DPYD: variants seen among roughly 807,000 people sequenced by gnomAD.
DPYD encodes the protein dihydropyrimidine dehydrogenase [NADP(+)].
In DPYD, 109 loss-of-function variants were observed where a neutral mutation model predicts 116.2. The ratio of observed to expected loss-of-function variants is 0.94; its 90% confidence interval spans 0.80 to 1.10. The LOEUF (loss-of-function observed/expected upper bound fraction) is 1.10, where lower values mean the gene tolerates loss of function less well. Ranked by LOEUF, DPYD falls within the 50% of genes least tolerant of loss-of-function variation. DPYD has a pLI of 0.00. For synonymous variants in DPYD, 440 were observed against 432.0 expected, an observed-to-expected ratio of 1.02 and a Z score of -0.23; for missense variants, 1,302 against 1,254.5, an observed-to-expected ratio of 1.04 and a Z score of -0.57.
In DPYD at chr1:97,362,188, C is replaced by T. The variant is rs1425925056; in HGVS notation, c.2058+11373G>A. On this transcript the variant is annotated intron_variant, in intron 16 of 22. Coordinates refer to ENST00000370192, the MANE Select transcript of DPYD (RefSeq NM_000110.4). ...GACAAACAGAGAGCCAAATCATGAGCGAACTCCCATTCACGATTGCTACAG... is the reference window on the plus strand; with the variant it reads ...GACAAACAGAGAGCCAAATCATGAGTGAACTCCCATTCACGATTGCTACAG... 3.3e-5 allele frequency among the ~76,000 whole-genome samples: 5 copies of T among 152,056 alleles called. No homozygotes were observed. The South Asian group carries it at 6.2e-4, about 19-fold the overall frequency.
At chr1:97,522,936 C>T (rs1276811640) in intron 12 of DPYD, among the ~76,000 whole-genome samples, 1 of 151,924 alleles carries the variant, frequency 6.6e-6, no homozygotes, top group Admixed American at 6.6e-5. Context: ...TTCTAGTTAT[C>T]CTTTGTCAGA....
intron 16 of DPYD, among the ~76,000 whole-genome samples, chr1:97,339,258 T>C (rs1340140149): frequency 2.0e-5 from 3 of 152,012 alleles, no homozygotes; most frequent in Middle Eastern, 3.2e-3. Context: ...GTCATAATCA[T>C]GGAAATAACA....
intron 13 of DPYD, among the ~76,000 whole-genome samples, chr1:97,478,370 C>T (rs1678105355): frequency 6.6e-6 from 1 of 152,104 alleles, no homozygotes; most frequent in Admixed American, 6.5e-5. Context: ...TCACTGCAAC[C>T]TCCACCTCCT....
At chr1:97,243,491 G>A (rs1161153821) in intron 18 of DPYD, among the ~76,000 whole-genome samples, 1 of 151,790 alleles carries the variant, frequency 6.6e-6, no homozygotes, top group African/African-American at 2.4e-5. Flanking sequence ...TAGAAAGTAT[G>A]GGTCCAGTAT....
chr1:97,389,350 A>C lies in DPYD; in HGVS notation c.1906-6889T>G, dbSNP rs148633056. ...CGAAGAAAGAAAAGAAAGGGAAAGC[A>C]AATTTACTAGAACATGGTATGATTA... On this transcript the variant is annotated intron_variant, in intron 14 of 22. Coordinates refer to ENST00000370192, the MANE Select transcript of DPYD (RefSeq NM_000110.4). Among the ~76,000 whole-genome samples the C allele has an allele frequency of 3.7e-3, 567 of 152,010 alleles. 6 individuals carry two copies. Among genetic ancestry groups the C allele is most frequent in the African/African-American group, 0.013 (535 of 41,484 alleles).
At chr1:97,173,234 G>GTA (rs1396632082) in intron 20 of DPYD, among the ~76,000 whole-genome samples, 11 of 106,352 alleles carry the variant, frequency 1.0e-4, no homozygotes, top group Admixed American at 2.1e-4. Context: ...ACATATATGC[G>GTA]CACACATATA....
At position 97,146,222 on chromosome 1, in the gene DPYD, A is replaced by C. The variant is rs1654618817; in HGVS notation, c.2622+46847T>G. On this transcript the variant is annotated intron_variant, in intron 20 of 22. Coordinates refer to ENST00000370192, the MANE Select transcript of DPYD (RefSeq NM_000110.4). ...TTCTATAATATTAATAGTTTGTATA[A>C]GAAAACTAATACAATGTTGACAAGT... 3.9e-5 allele frequency among the ~76,000 whole-genome samples: 6 copies of C among 152,216 alleles called. No homozygotes were observed. The South Asian group carries it at 1.2e-3, about 32-fold the overall frequency.
chr1:97,369,509 A>C (rs951234329), intron 16 of DPYD, among the ~76,000 whole-genome samples: 1 of 152,206 alleles, frequency 6.6e-6, no homozygotes, highest in Non-Finnish European at 1.5e-5. Flanking sequence ...ATCAAATCAA[A>C]GTGCAGGTCT....
intron 11 of DPYD, among the ~76,000 whole-genome samples, chr1:97,561,110 G>A (rs1390943031): frequency 6.6e-6 from 1 of 152,218 alleles, no homozygotes; most frequent in African/African-American, 2.4e-5. Flanking sequence ...GACAGCATTT[G>A]TAGATTTAGA....
At chr1:97,766,278 T>C (rs183513782) in intron 3 of DPYD, among the ~76,000 whole-genome samples, 2 of 152,036 alleles carry the variant, frequency 1.3e-5, no homozygotes, top group Admixed American at 6.6e-5. Context: ...CTGTGGTAAA[T>C]TTAAAGTAAG....
At chr1:97,385,511 G>T in intron 14 of DPYD, among the ~76,000 whole-genome samples, 1 of 140,354 alleles carries the variant, frequency 7.1e-6, no homozygotes, top group South Asian at 2.5e-4. Flanking sequence ...TAGATTTTTA[G>T]AAAATTTTTT....
chr1:97,294,271 A>C (rs1666386304), intron 18 of DPYD, among the ~76,000 whole-genome samples: 1 of 152,204 alleles, frequency 6.6e-6, no homozygotes, highest in East Asian at 1.9e-4. Flanking sequence ...ATGTGCTAAG[A>C]CAGTTTAACC....
At chr1:97,391,986 C>A (rs1672733320) in intron 14 of DPYD, among the ~76,000 whole-genome samples, 1 of 151,942 alleles carries the variant, frequency 6.6e-6, no homozygotes, top group Non-Finnish European at 1.5e-5. Flanking sequence ...AAAAATAATA[C>A]TAACTAAGAT....
chr1:97,094,579 A>C (rs1650108672), intron 21 of DPYD, among the ~76,000 whole-genome samples: 1 of 152,130 alleles, frequency 6.6e-6, no homozygotes, highest in Non-Finnish European at 1.5e-5. Flanking sequence ...ATTGAGACAG[A>C]GGACTCAGGA....
intron 20 of DPYD, among the ~76,000 whole-genome samples, chr1:97,170,970 G>A (rs879652393): frequency 6.6e-6 from 1 of 152,108 alleles, no homozygotes; most frequent in Non-Finnish European, 1.5e-5. Flanking sequence ...ACCGTGCATG[G>A]CCTATCTTAA....
chr1:97,605,495 C>T (rs960665270), intron 8 of DPYD, among the ~76,000 whole-genome samples: 1 of 152,026 alleles, frequency 6.6e-6, no homozygotes, highest in African/African-American at 2.4e-5. Context: ...CTTGCTTCTC[C>T]TTTGCCTTCT....
At chr1:97,091,852 T>C (rs1441799825) in intron 21 of DPYD, among the ~76,000 whole-genome samples, 1 of 152,180 alleles carries the variant, frequency 6.6e-6, no homozygotes, top group African/African-American at 2.4e-5. Flanking sequence ...TCTAGCAAAC[T>C]GTATCAACAC....
At position 97,782,615 on chromosome 1, in the gene DPYD, G is replaced by A. The variant is rs78747959; in HGVS notation, c.234-42136C>T. 3.5e-3 allele frequency among the ~76,000 whole-genome samples: 525 copies of A among 152,164 alleles called. 3 individuals are homozygous for A. Among genetic ancestry groups the A allele is most frequent in the African/African-American group, 0.012 (504 of 41,512 alleles). ...TCATTTCCCTGTTTAGATTTAAAACGTTCAGTAAAAGCACAGAAAGTAAAA... is the reference window on the plus strand; with the variant it reads ...TCATTTCCCTGTTTAGATTTAAAACATTCAGTAAAAGCACAGAAAGTAAAA... On this transcript the variant is annotated intron_variant, in intron 3 of 22. Coordinates refer to ENST00000370192, the MANE Select transcript of DPYD (RefSeq NM_000110.4).
chr1:97,862,173 T>C (rs2101594987), intron 2 of DPYD, among the ~76,000 whole-genome samples: 1 of 152,008 alleles, frequency 6.6e-6, no homozygotes, highest in East Asian at 1.9e-4. Context: ...CAATAAAATA[T>C]ACCAGAGTAT....
Sources: allele counts gnomAD v4.1 joint callset (sites outside exome capture counted in the v4.1 genomes callset), GRCh38; gene constraint gnomAD v4.1.1; transcripts MANE v1.5; gene names NCBI Gene and HGNC (gene_info 2026-07-23, HGNC 2026-07-21).